EML2: variants seen among roughly 807,000 people sequenced by gnomAD.
EML2 encodes the protein EMAP like 2, also known as echinoderm microtubule-associated protein-like 2.
A neutral mutation model predicts 84.7 loss-of-function variants in EML2; 59 were observed. The observed-to-expected ratio is 0.70, with a 90% CI of 0.56 to 0.86. EML2 has a LOEUF of 0.86. Among genes scored for constraint, EML2 ranks in the 40% least tolerant of loss-of-function variants. The pLI is 0.00. For synonymous variants in EML2, 352 were observed against 348.9 expected (o/e 1.01, Z -0.10); for missense variants, 818 against 855.6 (o/e 0.96, Z 0.55).
chr19:45,645,015 T>G, upstream of EML2: 7 of 555,540 alleles, frequency 1.3e-5, no homozygotes, highest in Non-Finnish European at 9.7e-6. Context: ...CAATCCCAGG[T>G]TCCTTCGGGT....
rs879745136 is a variant in EML2, at chr19:45,631,523, ACT to A, written c.510+1336_510+1337del. ...TACCTCCGCCTCCCAGGTTCAAGTG[ACT>A]CTCCTGCCTCTGCTTCCTGAGTAGC... On this transcript the variant is annotated intron_variant, in intron 6 of 18. Coordinates refer to ENST00000245925, the MANE Select transcript of EML2 (RefSeq NM_012155.4). Among the ~76,000 whole-genome samples, 21 of 151,480 alleles carry A rather than the reference ACT, an allele frequency of 1.4e-4. No homozygotes were observed. The Admixed American group carries it at 1.4e-3, about 10-fold the overall frequency.
At chr19:45,613,458 T>G in intron 18 of EML2, 83 bp downstream of exon 18, 1 of 1,517,836 alleles carries the variant, frequency 6.6e-7, no homozygotes, top group Non-Finnish European at 9.0e-7. Flanking sequence ...AGAGAAGGGG[T>G]GGGGTTGGAC....
At chr19:45,632,681 G>C in intron 6 of EML2, 180 bp downstream of exon 6, 1 of 588,244 alleles carries the variant, frequency 1.7e-6, no homozygotes, top group Non-Finnish European at 3.0e-6. Context: ...AGGGCTGGGC[G>C]GGCACGGTGA....
At chr19:45,635,730 T>C (rs1973651447) in intron 3 of EML2, among the ~76,000 whole-genome samples, 1 of 151,662 alleles carries the variant, frequency 6.6e-6, no homozygotes, top group Non-Finnish European at 1.5e-5. Flanking sequence ...GTAGCTGGGA[T>C]TATAGGCATG....
At chr19:45,641,565 G>T, upstream of EML2, 1 of 1,427,664 alleles carries the variant, frequency 7.0e-7, no homozygotes, top group Non-Finnish European at 9.5e-7. Context: ...CGACCTCGTG[G>T]CCTGGGGCAT....
chr19:45,621,570 C>A lies in EML2; in HGVS notation c.909G>T (p.Leu303=). 1 of 1,612,594 alleles carries A rather than the reference C, an allele frequency of 6.2e-7. No homozygotes were observed. Residue 303 remains leucine, a synonymous_variant, in exon 10 of 19, where the codon CTG becomes CTT. Transcript: ENST00000245925. ...HDGGVFGLCA[L]RDGTLVSGGG... is the part of the protein sequence containing the mutation. ...CTCCAGACACCAGCGTCCCGTCCCG[C>A]AGGGCGCAGAGCCCAAACACGCCGC...
chr19:45,642,384 C>CA, upstream of EML2: 1 of 1,522,814 alleles, frequency 6.6e-7, no homozygotes, highest in South Asian at 1.2e-5. Flanking sequence ...GCTGCAGGGC[C>CA]ACCCAGGAGC....
At chr19:45,639,324 G>A (rs1175299640) in intron 1 of EML2, 33 bp downstream of exon 1, 27 of 1,347,050 alleles carry the variant, frequency 2.0e-5, no homozygotes, top group Non-Finnish European at 2.6e-5. Context: ...AGCGCGGAGA[G>A]GAGATGGGGG....
At chr19:45,638,681 C>T (rs1974069511) in intron 2 of EML2, 47 bp from the exon 3 acceptor site, 1 of 1,601,222 alleles carries the variant, frequency 6.2e-7, no homozygotes, top group Non-Finnish European at 8.5e-7. Flanking sequence ...AGCCCCATCC[C>T]TATTCCCTCT....
Position 45,626,795 on chromosome 19 carries a change from G to A in EML2, c.651C>T (p.Asp217=), listed in dbSNP as rs781194074. ...AVLVATFHPT[D]PTVLITCGKS... ...TCCCGCAGGTGATAAGCACAGTGGG[G>A]TCCGTGGGGTGGAAGGTGGCCACCA... The change falls in exon 8 of 19, where the codon GAC becomes GAT. Residue 217 remains aspartate, a synonymous_variant. Transcript: ENST00000245925. 1.1e-5 allele frequency: 17 copies of A among 1,613,670 alleles called. No individual in the cohort carries two copies. Among genetic ancestry groups the A allele is most frequent in the Non-Finnish European group, 1.4e-5 (16 of 1,179,924 alleles).
chr19:45,636,960 A>G (rs1215432276), intron 3 of EML2, among the ~76,000 whole-genome samples: 1 of 152,258 alleles, frequency 6.6e-6, no homozygotes, highest in Non-Finnish European at 1.5e-5. Flanking sequence ...AATGATTGTC[A>G]ATATACATAT....
intron 3 of EML2, 113 bp downstream of exon 3, chr19:45,638,392 G>T (rs1974020451): frequency 1.3e-6 from 2 of 1,482,744 alleles, no homozygotes; most frequent in Admixed American, 3.4e-5. Context: ...CAAACTCTTG[G>T]CCTCAAACGA....
chr19:45,611,542 G>C (rs938796820), intron 18 of EML2, among the ~76,000 whole-genome samples: 1 of 151,938 alleles, frequency 6.6e-6, no homozygotes, highest in Non-Finnish European at 1.5e-5. Flanking sequence ...CTGGAGTGCA[G>C]TGGTGCAATC....
At chr19:45,630,475 CTG>C in intron 6 of EML2, among the ~76,000 whole-genome samples, 1 of 147,540 alleles carries the variant, frequency 6.8e-6, no homozygotes, top group South Asian at 2.1e-4. Context: ...ATCGCTTGAA[CTG>C]GGAGGCAGAG....
intron 11 of EML2, chr19:45,621,002 A>G: frequency 1.4e-6 from 1 of 730,052 alleles, no homozygotes; most frequent in Non-Finnish European, 2.4e-6. Context: ...CAGTTGGAGC[A>G]GGGGCCTGGG....
chr19:45,642,436 C>CG (rs763908558), upstream of EML2: 8 of 1,468,054 alleles, frequency 5.4e-6, no homozygotes, highest in South Asian at 4.1e-5. Context: ...TGGGTCTAAG[C>CG]GGGGGGCCAG....
rs1970997613 is a variant in EML2, at chr19:45,615,883, A to C, written c.1516T>G (p.Ser506Ala). The change falls in exon 16 of 19, where the codon TCC (serine) becomes GCC (alanine). Residue 506 changes from serine to alanine, a missense_variant. Physicochemically the swap from Ser to Ala is moderately conservative, Grantham distance 99 (BLOSUM62 1). Coordinates refer to ENST00000245925, the MANE Select transcript of EML2 (RefSeq NM_012155.4). Reference protein sequence around the residue: ...VSRLGKCSGHSSFITHLDWAQ... With the variant: ...VSRLGKCSGHASFITHLDWAQ... ...CAATCCAGGTGGGTGATAAAACTGG[A>C]ATGGCCCTGCGGGGGAGGGAAGGGA... is the stretch of plus-strand genomic sequence containing the variant. The C allele has an allele frequency of 6.2e-7, 1 of 1,613,602 alleles. No individual in the cohort carries two copies. The highest frequency in any genetic ancestry group is 1.3e-5 in the African/African-American group (1 of 74,860).
chr19:45,614,658 A>C lies in EML2; in HGVS notation c.1640T>G (p.Val547Gly). Residue 547 changes from valine (V) to glycine (G), a missense_variant, in exon 17 of 19, where the codon GTG becomes GGG. Transcript: ENST00000245925. The stretch of plus-strand genomic sequence containing the variant: ...AGCTGTGGCCCATTCCATGTTCCTC[A>C]CAGCATCCGCACTGGTGATCTGCTT... ...TCKQITSADA[V>G]RNMEWATATC... 6.2e-7 allele frequency: 1 copy of C among 1,614,006 alleles called. No individual in the cohort carries two copies. Among genetic ancestry groups the C allele is most frequent in the East Asian group, 2.2e-5 (1 of 44,876 alleles).
chr19:45,642,524 A>C, upstream of EML2: 1 of 1,415,824 alleles, frequency 7.1e-7, no homozygotes, highest in Middle Eastern at 1.8e-4. Flanking sequence ...TGAAGGGGGA[A>C]GGAAATCCCC....
Sources: gnomAD v4.1 joint callset for allele counts (sites outside exome capture counted in the v4.1 genomes callset) on GRCh38, gnomAD v4.1.1 for gene constraint, MANE v1.5 for transcripts, NCBI Gene and HGNC (gene_info 2026-07-23, HGNC 2026-07-21) for gene names.